Variants in FRAS1 observed in about 807,000 individuals in gnomAD.
FRAS1 encodes extracellular matrix organizing protein FRAS1.
Under a neutral mutation model 435.2 loss-of-function variants are expected in FRAS1, and 290 were observed. The ratio of observed to expected loss-of-function variants is 0.67; its 90% CI spans 0.61 to 0.73. FRAS1 has a LOEUF of 0.73. FRAS1 is among the 30% of genes least tolerant of loss of function. The pLI, the probability that FRAS1 is intolerant of heterozygous loss-of-function variation, is 0.00. For synonymous variants in FRAS1, 1,800 were observed against 1,851.0 expected (o/e 0.97, Z 0.71); for missense variants, 4,860 against 5,001.5 (o/e 0.97, Z 0.85).
intron 58 of FRAS1, among the ~76,000 whole-genome samples, chr4:78,488,491 G>A (rs1720242424): frequency 6.6e-6 from 1 of 152,160 alleles, no homozygotes; most frequent in African/African-American, 2.4e-5. Flanking sequence ...AGCCCTAGGA[G>A]GACAGTGAAG....
intron 2 of FRAS1, among the ~76,000 whole-genome samples, chr4:78,201,147 C>A (rs1723036024): frequency 6.6e-6 from 1 of 152,040 alleles, no homozygotes; most frequent in Non-Finnish European, 1.5e-5. Context: ...GTCTGCCTCT[C>A]CTCCCTGGGG....
chr4:78,333,299 C>T lies in FRAS1; in HGVS notation c.2165C>T (p.Ala722Val), dbSNP rs2110258851. ...EACHQSCFRC[A>V]GKSPHNCTDC... ...TGCCACCAGTCCTGTTTCAGATGTGCAGGGAAAAGCCCACATAACTGCACA... is the reference window on the plus strand; with the variant it reads ...TGCCACCAGTCCTGTTTCAGATGTGTAGGGAAAAGCCCACATAACTGCACA... Residue 722 changes from alanine (A) to valine (V), a missense_variant, in exon 19 of 74, where the codon GCA becomes GTA. Ala to Val is a moderately conservative substitution (Grantham distance 64). Transcript: ENST00000512123. 6.2e-7 allele frequency: 1 copy of T among 1,610,682 alleles called. No homozygotes were observed. The highest frequency in any genetic ancestry group is 1.7e-4 in the Middle Eastern group (1 of 5,740).
chr4:78,117,648 T>G (rs28854287), intron 2 of FRAS1, among the ~76,000 whole-genome samples: 1 of 152,012 alleles, frequency 6.6e-6, no homozygotes, highest in Non-Finnish European at 1.5e-5. Context: ...GCATTCATCA[T>G]GTAGTTCTCG....
At chr4:78,207,607 ATAT>A (rs1399364616) in intron 2 of FRAS1, among the ~76,000 whole-genome samples, 1 of 152,152 alleles carries the variant, frequency 6.6e-6, no homozygotes, top group Non-Finnish European at 1.5e-5. Flanking sequence ...TGTGAGGCAA[ATAT>A]TATTATTTTA....
intron 15 of FRAS1, among the ~76,000 whole-genome samples, chr4:78,314,809 C>T (rs1729169535): frequency 6.6e-6 from 1 of 152,188 alleles, no homozygotes; most frequent in Admixed American, 6.5e-5. Context: ...AGACAATGCT[C>T]AACGGTTGCT....
At chr4:78,071,992 A>T (rs1176846758) in intron 2 of FRAS1, 2 of 151,490 alleles carry the variant, frequency 1.3e-5, no homozygotes, top group East Asian at 1.9e-4. Flanking sequence ...CAGTTACAAC[A>T]CTACTCTCTC....
chr4:78,204,366 A>T (rs1436093851), intron 2 of FRAS1, among the ~76,000 whole-genome samples: 2 of 152,250 alleles, frequency 1.3e-5, no homozygotes, highest in African/African-American at 2.4e-5. Flanking sequence ...GTCATGTTAT[A>T]GAACTGTCAG....
At position 78,265,012 on chromosome 4, in the gene FRAS1, T is replaced by A; in HGVS notation, c.604-13T>A. ...TCACTTTGTGATGGATTGTTCCTGTTCTGCGTGTTAAGGATGAGACTGTAG... is the reference window on the plus strand; with the variant it reads ...TCACTTTGTGATGGATTGTTCCTGTACTGCGTGTTAAGGATGAGACTGTAG... On this transcript the variant is annotated splice_polypyrimidine_tract_variant and intron_variant, in intron 6 of 73. Transcript: ENST00000512123. 6.5e-7 allele frequency: 1 copy of A among 1,532,704 alleles called. No homozygotes were observed. Among genetic ancestry groups the A allele is most frequent in the Non-Finnish European group, 9.0e-7 (1 of 1,106,566 alleles). 94.9% of individuals were successfully genotyped at this position (1,532,704 alleles called of 1,614,324 possible).
chr4:78,291,027 A>G (rs1727873598), intron 14 of FRAS1, among the ~76,000 whole-genome samples: 1 of 152,114 alleles, frequency 6.6e-6, no homozygotes, highest in South Asian at 2.1e-4. Context: ...TGGCCTCCCA[A>G]AGTGCTGGGA....
At chr4:78,197,895 T>G (rs1722883075) in intron 2 of FRAS1, among the ~76,000 whole-genome samples, 1 of 151,692 alleles carries the variant, frequency 6.6e-6, no homozygotes, top group Non-Finnish European at 1.5e-5. Context: ...GAGCCGAGAT[T>G]GAGCCACTGC....
intron 14 of FRAS1, among the ~76,000 whole-genome samples, chr4:78,304,821 T>C (rs1000572688): frequency 1.4e-4 from 20 of 138,608 alleles, no homozygotes; most frequent in African/African-American, 4.9e-4. Context: ...AGCTCCTGGA[T>C]TCATTAATTT....
intron 22 of FRAS1, among the ~76,000 whole-genome samples, chr4:78,369,471 T>C (rs1731413940): frequency 6.6e-6 from 1 of 152,186 alleles, no homozygotes; most frequent in African/African-American, 2.4e-5. Context: ...CACAAAAACC[T>C]GAATCTACAT....
intron 46 of FRAS1, 83 bp from the exon 47 acceptor site, chr4:78,452,092 C>T: frequency 6.9e-7 from 1 of 1,456,266 alleles, no homozygotes; most frequent in Non-Finnish European, 9.6e-7. Flanking sequence ...TGACTCTGAC[C>T]TTACTTCTTG....
Position 78,448,063 on chromosome 4 carries a change from C to A in FRAS1, c.6021C>A (p.Leu2007=), listed in dbSNP as rs1200823150. The part of the protein sequence containing the change: ...LTKKPDHGHV[L]WRQTASEPLE... ...TACCTCTTCCCTCAGGTCATGTACT[C>A]TGGAGGCAAACTGCTTCTGAGCCTC... Residue 2007 remains leucine, a synonymous_variant, in exon 44 of 74, where the codon CTC becomes CTA. Transcript: ENST00000512123. 6.2e-7 allele frequency: 1 copy of A among 1,609,176 alleles called. No homozygotes were observed.
intron 33 of FRAS1, among the ~76,000 whole-genome samples, chr4:78,419,702 A>G (rs1405091457): frequency 6.6e-6 from 1 of 152,186 alleles, no homozygotes; most frequent in Admixed American, 6.5e-5. Context: ...TGGGTAATTT[A>G]TAAAGAAAAG....
At chr4:78,357,922 T>C (rs1730924942) in intron 20 of FRAS1, among the ~76,000 whole-genome samples, 1 of 152,144 alleles carries the variant, frequency 6.6e-6, no homozygotes, top group Non-Finnish European at 1.5e-5. Context: ...AAGACAATTT[T>C]TTTTCTTTCT....
intron 2 of FRAS1, among the ~76,000 whole-genome samples, chr4:78,227,575 G>T (rs1724329932): frequency 6.6e-6 from 1 of 152,208 alleles, no homozygotes; most frequent in Admixed American, 6.5e-5. Context: ...GCCATTTAGT[G>T]GATGGCCAGT....
intron 11 of FRAS1, among the ~76,000 whole-genome samples, chr4:78,282,545 C>G (rs1481335973): frequency 6.6e-6 from 1 of 152,202 alleles, no homozygotes; most frequent in Non-Finnish European, 1.5e-5. Flanking sequence ...TCTGTTAGTC[C>G]TAGAATACTT....
rs755433488 is a variant in FRAS1, at chr4:78,521,590, C to A, written c.10608C>A (p.Gly3536=). 6.2e-7 allele frequency: 1 copy of A among 1,610,796 alleles called. No individual in the cohort carries two copies. The highest frequency in any genetic ancestry group is 8.5e-7 in the Non-Finnish European group (1 of 1,178,334). Residue 3536 remains glycine (G), a synonymous_variant, in exon 68 of 74, where the codon GGC becomes GGA. Coordinates refer to ENST00000512123, the MANE Select transcript of FRAS1 (RefSeq NM_025074.7). ...QIIRIYIRED[G]RLVIEFKTHA... The stretch of plus-strand genomic sequence containing the variant: ...TAAGAATCTACATTCGAGAGGATGG[C>A]CGTCTTGTCATTGAATTCAAGACCC...
Sources: gnomAD v4.1 joint callset for allele counts (sites outside exome capture counted in the v4.1 genomes callset) on GRCh38, gnomAD v4.1.1 for gene constraint, MANE v1.5 for transcripts, NCBI Gene and HGNC (gene_info 2026-07-23, HGNC 2026-07-21) for gene names.